Variants in COBL observed in about 807,000 individuals in gnomAD.
COBL encodes the protein cordon-bleu WH2 repeat protein.
In COBL, 51 loss-of-function variants were observed where a neutral mutation model predicts 98.8. The observed-to-expected ratio is 0.52, with a 90% CI of 0.41 to 0.65. COBL has a LOEUF of 0.65. Among genes scored for constraint, COBL ranks in the 30% least tolerant of loss-of-function variants. The pLI, the probability that COBL is intolerant of heterozygous loss-of-function variation, is 0.00. For synonymous variants in COBL, 634 were observed against 651.7 expected, an observed-to-expected ratio of 0.97 and a Z score of 0.41; for missense variants, 1,617 against 1,617.5, an observed-to-expected ratio of 1.00 and a Z score of 0.01.
intron 2 of COBL, among the ~76,000 whole-genome samples, chr7:51,213,814 T>C (rs1792720900): frequency 1.3e-5 from 2 of 150,858 alleles, no homozygotes; most frequent in African/African-American, 2.4e-5. Context: ...CCTCAGAGAG[T>C]TGGCCAAGCC....
At chr7:51,289,843 C>T (rs937411199) in intron 1 of COBL, among the ~76,000 whole-genome samples, 1 of 152,228 alleles carries the variant, frequency 6.6e-6, no homozygotes, top group Non-Finnish European at 1.5e-5. Flanking sequence ...TGTTGCCCAG[C>T]TTGTCAGAAA....
chr7:51,248,528 G>A (rs1796460471), intron 1 of COBL, among the ~76,000 whole-genome samples: 1 of 152,176 alleles, frequency 6.6e-6, no homozygotes. Flanking sequence ...ACGGAGGATA[G>A]GGGTCTAAAA....
chr7:51,265,133 T>C (rs936215197), intron 1 of COBL, among the ~76,000 whole-genome samples: 9 of 152,174 alleles, frequency 5.9e-5, no homozygotes, highest in African/African-American at 2.2e-4. Context: ...CAGCAGAACC[T>C]CAGGGCATTT....
At chr7:51,262,180 C>T (rs1197846645) in intron 1 of COBL, among the ~76,000 whole-genome samples, 2 of 152,090 alleles carry the variant, frequency 1.3e-5, no homozygotes, top group African/African-American at 2.4e-5. Flanking sequence ...AAAGTGGAGT[C>T]TGACAGTGGC....
At chr7:51,129,245 G>T (rs1361578507) in intron 6 of COBL, among the ~76,000 whole-genome samples, 2 of 151,986 alleles carry the variant, frequency 1.3e-5, no homozygotes, top group Admixed American at 1.3e-4. Context: ...ATCATGGTGT[G>T]GACAGACTTG....
intron 5 of COBL, among the ~76,000 whole-genome samples, chr7:51,151,328 G>T (rs957954875): frequency 3.3e-5 from 5 of 152,102 alleles, no homozygotes; most frequent in African/African-American, 1.2e-4. Context: ...ACAACCTGCG[G>T]CCTGGAAGTA....
intron 5 of COBL, among the ~76,000 whole-genome samples, chr7:51,154,706 G>A (rs1037047213): frequency 3.9e-5 from 6 of 152,174 alleles, no homozygotes; most frequent in African/African-American, 1.4e-4. Flanking sequence ...GGTAAGAGGA[G>A]AGGAATGGGC....
At chr7:51,081,306 A>G (rs982026732) in intron 7 of COBL, among the ~76,000 whole-genome samples, 1 of 152,186 alleles carries the variant, frequency 6.6e-6, no homozygotes, top group Non-Finnish European at 1.5e-5. Context: ...AGGGCAAAGG[A>G]AGTCCCAGGT....
chr7:51,289,620 C>G (rs999317977), intron 1 of COBL, among the ~76,000 whole-genome samples: 1 of 152,232 alleles, frequency 6.6e-6, no homozygotes, highest in African/African-American at 2.4e-5. Flanking sequence ...GTCTCAAACA[C>G]TTCTGTGCCT....
intron 5 of COBL, among the ~76,000 whole-genome samples, chr7:51,144,168 G>A (rs552307191): frequency 4.6e-5 from 7 of 152,288 alleles, no homozygotes; most frequent in South Asian, 4.1e-4. Context: ...CAACTAAGCC[G>A]GTTAGGGAGG....
intron 7 of COBL, among the ~76,000 whole-genome samples, chr7:51,076,470 C>A (rs1196361471): frequency 2.6e-5 from 4 of 152,182 alleles, no homozygotes; most frequent in Non-Finnish European, 5.9e-5. Flanking sequence ...TCAAGCTGTG[C>A]CACAAGTATT....
chr7:51,185,458 G>A (rs1427047068), intron 4 of COBL, among the ~76,000 whole-genome samples: 1 of 152,180 alleles, frequency 6.6e-6, no homozygotes, highest in Non-Finnish European at 1.5e-5. Context: ...TCATCTGCAG[G>A]TTGAGGGTGA....
At chr7:51,265,774 G>A (rs1798148062) in intron 1 of COBL, among the ~76,000 whole-genome samples, 1 of 152,158 alleles carries the variant, frequency 6.6e-6, no homozygotes, top group Admixed American at 6.5e-5. Flanking sequence ...TTCTATGACA[G>A]GCTCAAAGTC....
intron 6 of COBL, among the ~76,000 whole-genome samples, chr7:51,122,056 G>A (rs1455765932): frequency 6.6e-6 from 1 of 152,190 alleles, no homozygotes; most frequent in Non-Finnish European, 1.5e-5. Context: ...ACGTGCAGGA[G>A]AGTGGCGAGC....
At chr7:51,068,574 C>T (rs1455714130) in intron 7 of COBL, among the ~76,000 whole-genome samples, 2 of 152,092 alleles carry the variant, frequency 1.3e-5, no homozygotes, top group Admixed American at 6.5e-5. Context: ...CATACACATA[C>T]GCAGATTAAA....
At chr7:51,144,784 A>G (rs568154215) in intron 5 of COBL, among the ~76,000 whole-genome samples, 1 of 152,320 alleles carries the variant, frequency 6.6e-6, no homozygotes, top group African/African-American at 2.4e-5. Context: ...GTTTCATATA[A>G]ATGAAATCAA....
rs565450373 is a variant in COBL at position 51,229,701 on chromosome 7, C to T, written c.42-9757G>A. Among the ~76,000 whole-genome samples the T allele has an allele frequency of 7.9e-5, 12 of 152,264 alleles. No homozygotes were observed. The East Asian group carries it at 1.9e-3, about 25-fold the overall frequency. ...AGTTTTGATTTTTTTCTTCTCTTATCCCCCAAAACTACGCAACCAGAAGCT... is the reference window on the plus strand; with the variant it reads ...AGTTTTGATTTTTTTCTTCTCTTATTCCCCAAAACTACGCAACCAGAAGCT... On this transcript the variant is annotated intron_variant, in intron 1 of 12. Coordinates refer to ENST00000265136, the MANE Select transcript of COBL (RefSeq NM_015198.5).
intron 7 of COBL, chr7:51,065,123 A>C (rs1243801335): frequency 1.4e-6 from 1 of 695,114 alleles, no homozygotes; most frequent in Non-Finnish European, 2.6e-6. Context: ...CAGAGGATAG[A>C]AAAAAACAAG....
chr7:51,167,164 T>C (rs999069951), intron 5 of COBL, among the ~76,000 whole-genome samples: 1 of 152,128 alleles, frequency 6.6e-6, no homozygotes, highest in Non-Finnish European at 1.5e-5. Flanking sequence ...AGTCAAATTA[T>C]CCTTGTTTGC....
Sources: gnomAD v4.1 joint callset for allele counts (sites outside exome capture counted in the v4.1 genomes callset) on GRCh38, gnomAD v4.1.1 for gene constraint, MANE v1.5 for transcripts, NCBI Gene and HGNC (gene_info 2026-07-23, HGNC 2026-07-21) for gene names.